ROPN1L: variants seen among roughly 807,000 people sequenced by gnomAD.
The protein encoded by ROPN1L is ropporin-1-like protein.
ROPN1L carries 23 observed loss-of-function variants against 22.7 expected under a neutral mutation model. The observed-to-expected ratio is 1.01, with a 90% CI of 0.73 to 1.43. ROPN1L has a LOEUF of 1.43. Ranked by LOEUF, ROPN1L falls within the 40% of genes most tolerant of loss-of-function variation. The pLI is 0.00. For missense variants in ROPN1L, 271 were observed against 291.5 expected (o/e 0.93, Z 0.51); for synonymous variants, 116 against 117.8 (o/e 0.98, Z 0.10).
chr5:10,459,626 A>G (rs917631023), intron 3 of ROPN1L, among the ~76,000 whole-genome samples: 15 of 152,188 alleles, frequency 9.9e-5, no homozygotes, highest in African/African-American at 3.6e-4. Flanking sequence ...TGGAGCACAC[A>G]GAAGTGCCCC....
intron 2 of ROPN1L, among the ~76,000 whole-genome samples, chr5:10,448,963 C>T (rs996425356): frequency 1.3e-5 from 2 of 152,266 alleles, no homozygotes; most frequent in East Asian, 3.8e-4. Context: ...AGGCCTTCCT[C>T]ATGACTCGGT....
At chr5:10,460,340 C>T (rs2126462868) in intron 3 of ROPN1L, among the ~76,000 whole-genome samples, 1 of 152,334 alleles carries the variant, frequency 6.6e-6, no homozygotes, top group Non-Finnish European at 1.5e-5. Flanking sequence ...ATGGGCTGGC[C>T]CTGGGGAGCC....
chr5:10,472,225 C>T (rs984756998), downstream of ROPN1L, among the ~76,000 whole-genome samples: 2 of 150,734 alleles, frequency 1.3e-5, no homozygotes, highest in Non-Finnish European at 2.9e-5. Context: ...ACCCATCAAC[C>T]GTGCATTTAT....
intron 4 of ROPN1L, among the ~76,000 whole-genome samples, chr5:10,470,840 G>T (rs745435464): frequency 6.6e-6 from 1 of 152,250 alleles, no homozygotes; most frequent in African/African-American, 2.4e-5. Context: ...TCGGGCTTAG[G>T]TGAAAATGCA....
chr5:10,470,603 C>A (rs542671433), intron 4 of ROPN1L, among the ~76,000 whole-genome samples: 1 of 152,204 alleles, frequency 6.6e-6, no homozygotes, highest in Non-Finnish European at 1.5e-5. Flanking sequence ...TCATGCTTTC[C>A]CCGAGGTTGG....
intron 4 of ROPN1L, among the ~76,000 whole-genome samples, chr5:10,462,945 G>C (rs1359847568): frequency 6.6e-6 from 1 of 152,092 alleles, no homozygotes; most frequent in Admixed American, 6.6e-5. Context: ...AAGTGAGATA[G>C]AATTCATTTC....
Position 10,450,105 on chromosome 5 carries a change from C to T in ROPN1L, c.409C>T (p.Leu137Phe). The change falls in exon 3 of 5, where the codon CTT becomes TTT. Residue 137 changes from leucine (L) to phenylalanine (F), a missense_variant. Transcript: ENST00000274134. Reference sequence around the variant, plus strand: ...CTTTTTAGCGCTTGGATGCAGCATGCTTGGTGGGGTATGTACCTATAAACA... The same window carrying T: ...CTTTTTAGCGCTTGGATGCAGCATGTTTGGTGGGGTATGTACCTATAAACA... ...INFLALGCSMLGGSLNTALKH... is the reference protein window; with the variant it reads ...INFLALGCSMFGGSLNTALKH... 2 of 1,612,830 alleles carry T rather than the reference C, an allele frequency of 1.2e-6. No homozygotes were observed. Among genetic ancestry groups the T allele is most frequent in the African/African-American group, 2.7e-5 (2 of 74,946 alleles).
downstream of ROPN1L, among the ~76,000 whole-genome samples, chr5:10,476,426 A>C (rs549924070): frequency 6.6e-6 from 1 of 152,240 alleles, no homozygotes; most frequent in African/African-American, 2.4e-5. Flanking sequence ...GAAAAGTAGG[A>C]ACGTGGCAGA....
downstream of ROPN1L, among the ~76,000 whole-genome samples, chr5:10,472,348 C>T (rs1008727543): frequency 1.3e-5 from 2 of 152,308 alleles, no homozygotes; most frequent in East Asian, 1.9e-4. Context: ...GTGTAGCCAA[C>T]AGGGAATGCT....
chr5:10,455,271 A>C (rs1256899129), intron 3 of ROPN1L, among the ~76,000 whole-genome samples: 2 of 152,216 alleles, frequency 1.3e-5, no homozygotes. Context: ...GTTTCCTTCC[A>C]GGTTTCCGCA....
intron 3 of ROPN1L, 119 bp from the exon 4 acceptor site, chr5:10,461,065 T>A: frequency 1.1e-6 from 1 of 872,338 alleles, no homozygotes; most frequent in East Asian, 2.7e-5. Context: ...ATGGAGCACA[T>A]ACTTTTTGGA....
At chr5:10,473,141 C>T (rs906866101), downstream of ROPN1L, among the ~76,000 whole-genome samples, 2 of 152,188 alleles carry the variant, frequency 1.3e-5, no homozygotes, top group Admixed American at 6.5e-5. Flanking sequence ...ACTTTGAAAT[C>T]AGCCTTTTCC....
chr5:10,463,114 T>C (rs377512607), intron 4 of ROPN1L, among the ~76,000 whole-genome samples: 4 of 152,314 alleles, frequency 2.6e-5, no homozygotes, highest in African/African-American at 9.6e-5. Flanking sequence ...CATTGCATGT[T>C]ATGTTGTATT....
At chr5:10,445,981 G>A (rs1741049961) in intron 1 of ROPN1L, among the ~76,000 whole-genome samples, 1 of 152,176 alleles carries the variant, frequency 6.6e-6, no homozygotes, top group South Asian at 2.1e-4. Context: ...TCTTTCCTCA[G>A]GTTAGGGTTC....
chr5:10,443,628 C>CAAAAA (rs367600820), intron 1 of ROPN1L, among the ~76,000 whole-genome samples: 1 of 115,478 alleles, frequency 8.7e-6, no homozygotes, highest in African/African-American at 3.1e-5. Flanking sequence ...GACTCCGTCT[C>CAAAAA]AAAAAAAAAA....
chr5:10,446,148 A>G (rs778635135), intron 1 of ROPN1L, among the ~76,000 whole-genome samples: 5 of 152,190 alleles, frequency 3.3e-5, no homozygotes, highest in Admixed American at 2.0e-4. Context: ...CAGTCAAGTA[A>G]TAGAGGCTGC....
At chr5:10,460,174 G>A (rs1734990247) in intron 3 of ROPN1L, among the ~76,000 whole-genome samples, 1 of 152,198 alleles carries the variant, frequency 6.6e-6, no homozygotes, top group Non-Finnish European at 1.5e-5. Flanking sequence ...ATGATGTCTT[G>A]GTGCAGAAGG....
rs11957839 is a variant in ROPN1L at position 10,448,393 on chromosome 5, G to A, written c.255+10G>A. 2.9e-5 allele frequency: 47 copies of A among 1,613,718 alleles called. No individual in the cohort carries two copies. Among genetic ancestry groups the A allele is most frequent in the Non-Finnish European group, 3.6e-5 (42 of 1,179,966 alleles). ...AGTTTTGCACAAGCAGGTATGGGGG[G>A]GCGTAGTCTCTGGCCTCAGGCAGCT... On this transcript the variant is annotated intron_variant, in intron 2 of 4. Coordinates refer to ENST00000274134, the MANE Select transcript of ROPN1L (RefSeq NM_031916.5).
intron 4 of ROPN1L, among the ~76,000 whole-genome samples, chr5:10,463,961 C>T (rs1424833267): frequency 6.6e-6 from 1 of 152,156 alleles, no homozygotes; most frequent in Non-Finnish European, 1.5e-5. Flanking sequence ...CCACCCTTTC[C>T]AACCGGCCAT....
Sources: allele counts gnomAD v4.1 joint callset (sites outside exome capture counted in the v4.1 genomes callset), GRCh38; gene constraint gnomAD v4.1.1; transcripts MANE v1.5; gene names NCBI Gene and HGNC (gene_info 2026-07-23, HGNC 2026-07-21).